Variants in LEKR1 observed in about 807,000 individuals in gnomAD.
LEKR1 encodes leucine, glutamate and lysine rich 1.
LEKR1 carries 59 observed loss-of-function variants against 72.4 expected under a neutral mutation model. The observed-to-expected ratio is 0.82, with a 90% confidence interval of 0.66 to 1.01. LEKR1 has a LOEUF of 1.01. Ranked by LOEUF, LEKR1 falls within the 50% of genes least tolerant of loss-of-function variation. The probability of loss-of-function intolerance (pLI) is 0.00; values close to 1 mark genes in which losing one functional copy is unlikely to be tolerated. For synonymous variants in LEKR1, 257 were observed against 263.2 expected (o/e 0.98, Z 0.23); for missense variants, 728 against 759.2 (o/e 0.96, Z 0.48).
intron 6 of LEKR1, among the ~76,000 whole-genome samples, chr3:156,958,289 T>G (rs1168618959): frequency 6.6e-6 from 1 of 152,188 alleles, no homozygotes; most frequent in Non-Finnish European, 1.5e-5. Context: ...GATATCTTTC[T>G]GGTGAACTGA....
chr3:156,968,867 T>G (rs1257442605), intron 6 of LEKR1, among the ~76,000 whole-genome samples: 1 of 152,144 alleles, frequency 6.6e-6, no homozygotes, highest in African/African-American at 2.4e-5. Flanking sequence ...ATTGACCACA[T>G]AGTTGGAAGT....
chr3:157,000,831 C>A (rs1731950880), intron 9 of LEKR1, among the ~76,000 whole-genome samples: 1 of 152,044 alleles, frequency 6.6e-6, no homozygotes, highest in Admixed American at 6.5e-5. Context: ...ATTGTAATTC[C>A]CATAATCTCC....
Position 156,972,399 on chromosome 3 carries a change from C to T in LEKR1, c.746-6795C>T, listed in dbSNP as rs186389483. On this transcript the variant is annotated intron_variant, in intron 6 of 12. Coordinates refer to ENST00000356539, the MANE Select transcript of LEKR1 (RefSeq NM_001004316.3). ...AGGAGATATACCTAATGTTAAATGACGAGTTAATGGGTGCAGCACACCAAC... is the reference window on the plus strand; with the variant it reads ...AGGAGATATACCTAATGTTAAATGATGAGTTAATGGGTGCAGCACACCAAC... Among the ~76,000 whole-genome samples, 42 of 151,970 alleles carry T rather than the reference C, an allele frequency of 2.8e-4. 1 individual carries two copies. In the East Asian group the frequency reaches 3.9e-3, roughly 14 times the overall value.
intron 4 of LEKR1, among the ~76,000 whole-genome samples, chr3:156,923,876 C>T (rs564443055): frequency 1.3e-4 from 20 of 152,096 alleles, no homozygotes; most frequent in Admixed American, 2.0e-4. Flanking sequence ...TACAGGTGCC[C>T]GCCGCCATGC....
chr3:156,998,241 A>G (rs1731735584), intron 9 of LEKR1, among the ~76,000 whole-genome samples: 2 of 152,164 alleles, frequency 1.3e-5, no homozygotes. Context: ...CTGTTGGCTG[A>G]CAGGGGCACC....
In LEKR1 at chr3:157,045,805, C is replaced by T; in HGVS notation, c.*55C>T. The T allele has an allele frequency of 7.0e-7, 1 of 1,434,886 alleles. No homozygotes were observed. Among genetic ancestry groups the T allele is most frequent in the Non-Finnish European group, 9.6e-7 (1 of 1,046,554 alleles). 88.9% of individuals were successfully genotyped at this position (1,434,886 alleles called of 1,614,324 possible). Reference sequence around the variant, plus strand: ...AGCGTGCACGCTCTTTCAGAGAGTGCCAGGAATTCACTGTAACTGAGAATG... The same window carrying T: ...AGCGTGCACGCTCTTTCAGAGAGTGTCAGGAATTCACTGTAACTGAGAATG... On this transcript the variant is annotated 3_prime_UTR_variant, in exon 13 of 13. Coordinates refer to ENST00000356539, the MANE Select transcript of LEKR1 (RefSeq NM_001004316.3).
intron 3 of LEKR1, among the ~76,000 whole-genome samples, chr3:156,879,749 G>T (rs1181875160): frequency 2.0e-5 from 3 of 152,158 alleles, no homozygotes; most frequent in African/African-American, 7.2e-5. Flanking sequence ...TAGGTACTTG[G>T]TGCCCTGTGT....
At chr3:156,897,814 A>G (rs948608050) in intron 3 of LEKR1, among the ~76,000 whole-genome samples, 1 of 152,144 alleles carries the variant, frequency 6.6e-6, no homozygotes, top group African/African-American at 2.4e-5. Context: ...TTAGCTGGGC[A>G]TGGTGGCAGG....
At chr3:156,834,703 G>C (rs1010989018) in intron 2 of LEKR1, among the ~76,000 whole-genome samples, 7 of 152,120 alleles carry the variant, frequency 4.6e-5, no homozygotes, top group Admixed American at 1.3e-4. Context: ...TATGTCCCCA[G>C]ATCTTACCTA....
In LEKR1 at chr3:157,045,912, T is replaced by G; in HGVS notation, c.*162T>G. The G allele has an allele frequency of 1.5e-6, 1 of 647,190 alleles. No individual in the cohort carries two copies. 40.1% of individuals were successfully genotyped at this position (647,190 alleles called of 1,614,324 possible). A position where few individuals can be genotyped will look rare whatever the true frequency, so the allele number is the denominator to read the frequency against. On this transcript the variant is annotated 3_prime_UTR_variant, in exon 13 of 13. Transcript: ENST00000356539. ...AAAAGACTGTAAAAAGCTGGAAAAT[T>G]GTGAAGCCTTATTTTTCAAGAGGGT...
intron 5 of LEKR1, among the ~76,000 whole-genome samples, chr3:156,928,602 A>G (rs960346680): frequency 6.6e-6 from 1 of 152,076 alleles, no homozygotes; most frequent in Admixed American, 6.6e-5. Flanking sequence ...AGACTAGAGG[A>G]TAGAGATCAA....
intron 2 of LEKR1, among the ~76,000 whole-genome samples, chr3:156,852,428 C>T (rs890119221): frequency 2.0e-5 from 3 of 152,122 alleles, no homozygotes; most frequent in African/African-American, 4.8e-5. Context: ...CCTCCCACTT[C>T]GTGGAAAATT....
intron 3 of LEKR1, among the ~76,000 whole-genome samples, chr3:156,861,232 T>C (rs973329366): frequency 1.3e-5 from 2 of 152,104 alleles, no homozygotes; most frequent in African/African-American, 4.8e-5. Flanking sequence ...CTTGAGAAAA[T>C]AAATACATCA....
chr3:157,024,726 A>T, intron 10 of LEKR1, 34 bp from the exon 11 acceptor site: 1 of 1,526,752 alleles, frequency 6.5e-7, no homozygotes. Context: ...TAAGGTAAAA[A>T]TAGTTTTACA....
At chr3:156,962,141 A>G (rs1355931639) in intron 6 of LEKR1, among the ~76,000 whole-genome samples, 1 of 152,226 alleles carries the variant, frequency 6.6e-6, no homozygotes, top group African/African-American at 2.4e-5. Flanking sequence ...ATCCGTCTGT[A>G]TGGCAGATAG....
chr3:156,889,916 G>A (rs886924688), intron 3 of LEKR1, among the ~76,000 whole-genome samples: 1 of 152,228 alleles, frequency 6.6e-6, no homozygotes, highest in African/African-American at 2.4e-5. Context: ...CGTATTAGTA[G>A]CAAGTAAGTG....
At chr3:156,879,276 A>G (rs976691868) in intron 3 of LEKR1, among the ~76,000 whole-genome samples, 37 of 152,158 alleles carry the variant, frequency 2.4e-4, no homozygotes, top group African/African-American at 7.7e-4. Context: ...GGGATGAGGA[A>G]CTTGTCGAGA....
chr3:156,929,834 G>T (rs1254611366), intron 5 of LEKR1, among the ~76,000 whole-genome samples: 1 of 152,136 alleles, frequency 6.6e-6, no homozygotes. Flanking sequence ...ATGATACTCA[G>T]ATTCCTCACC....
intron 7 of LEKR1, among the ~76,000 whole-genome samples, chr3:156,982,135 T>G (rs1177109403): frequency 6.6e-6 from 1 of 152,230 alleles, no homozygotes; most frequent in Non-Finnish European, 1.5e-5. Context: ...TTGTTATGTA[T>G]TTAAAAATAG....
Sources: allele counts gnomAD v4.1 joint callset (sites outside exome capture counted in the v4.1 genomes callset), GRCh38; gene constraint gnomAD v4.1.1; transcripts MANE v1.5; gene names NCBI Gene and HGNC (gene_info 2026-07-23, HGNC 2026-07-21).